Variants in MEIG1 observed in about 807,000 individuals in gnomAD.
MEIG1 encodes meiosis expressed gene 1 protein homolog.
A neutral mutation model predicts 11.3 loss-of-function variants in MEIG1; 12 were observed. The ratio of observed to expected loss-of-function variants is 1.07; its 90% CI spans 0.68 to 1.73. The LOEUF (loss-of-function observed/expected upper bound fraction) is 1.73, where lower values mean the gene tolerates loss of function less well. Among genes scored for constraint, MEIG1 ranks in the 40% most tolerant of loss-of-function variants. The pLI, the probability that MEIG1 is intolerant of heterozygous loss-of-function variation, is 0.00. For missense variants in MEIG1, 119 were observed against 104.9 expected (o/e 1.13, Z -0.59); for synonymous variants, 41 against 33.2 (o/e 1.24, Z -0.81).
At chr10:14,956,936 A>G (rs543407367), upstream of MEIG1, among the ~76,000 whole-genome samples, 1 of 152,306 alleles carries the variant, frequency 6.6e-6, no homozygotes, top group African/African-American at 2.4e-5. Context: ...TACACCTACA[A>G]TAACAACTAC....
intron 1 of MEIG1, among the ~76,000 whole-genome samples, chr10:14,986,325 CAAAACAA>C (rs1843318475): frequency 6.6e-6 from 1 of 151,840 alleles, no homozygotes; most frequent in Non-Finnish European, 1.5e-5. Flanking sequence ...AACTCCATCT[CAAAACAA>C]AAAACAAAAA....
chr10:14,965,709 A>T (rs1297181331), intron 1 of MEIG1, among the ~76,000 whole-genome samples: 4 of 21,462 alleles, frequency 1.9e-4, no homozygotes, highest in African/African-American at 5.3e-4. Context: ...AGAGAGAGAG[A>T]GAGAGAGGTG....
At chr10:14,979,359 A>T (rs1843241686) in intron 1 of MEIG1, among the ~76,000 whole-genome samples, 1 of 151,944 alleles carries the variant, frequency 6.6e-6, no homozygotes, top group Non-Finnish European at 1.5e-5. Flanking sequence ...CTGTGATATT[A>T]TTCGGAATAT....
At chr10:14,979,061 T>C (rs1843239014) in intron 1 of MEIG1, among the ~76,000 whole-genome samples, 1 of 151,904 alleles carries the variant, frequency 6.6e-6, no homozygotes, top group South Asian at 2.1e-4. Flanking sequence ...AATGCCACAA[T>C]ACGTGTACAC....
At chr10:14,976,424 A>C (rs1843210764), downstream of MEIG1, among the ~76,000 whole-genome samples, 1 of 152,124 alleles carries the variant, frequency 6.6e-6, no homozygotes, top group South Asian at 2.1e-4. Context: ...TTATTCTCCT[A>C]TGGGGAGGTT....
At chr10:14,969,447 CAAA>C (rs60562557) in intron 2 of MEIG1, among the ~76,000 whole-genome samples, 1 of 115,148 alleles carries the variant, frequency 8.7e-6, no homozygotes. Flanking sequence ...GACCCTGTCT[CAAA>C]AAAAAAAAAA....
chr10:14,962,611 T>A (rs1021136512), intron 1 of MEIG1, among the ~76,000 whole-genome samples: 1 of 152,114 alleles, frequency 6.6e-6, no homozygotes, highest in Non-Finnish European at 1.5e-5. Context: ...GAAAATACGT[T>A]TCGAATGAAT....
At chr10:14,986,251 G>A (rs1843316936) in intron 1 of MEIG1, among the ~76,000 whole-genome samples, 1 of 152,170 alleles carries the variant, frequency 6.6e-6, no homozygotes, top group Non-Finnish European at 1.5e-5. Flanking sequence ...CTTGAACCCA[G>A]GAGGCAGAGG....
At chr10:14,958,551 G>T (rs1168677384), upstream of MEIG1, among the ~76,000 whole-genome samples, 1 of 152,138 alleles carries the variant, frequency 6.6e-6, no homozygotes, top group Non-Finnish European at 1.5e-5. Context: ...GCACACAATT[G>T]CTCCTTTCTT....
At position 14,959,479 on chromosome 10, in the gene MEIG1, C is replaced by T. The variant is rs1486205588; in HGVS notation, c.-108C>T. ...CGAGTAGAGAACGCAAGCACCCACG[C>T]CCGCCTGCAAGCTCCCGGGCGCCCC... On this transcript the variant is annotated 5_prime_UTR_variant, in exon 1 of 3. Transcript: ENST00000407572. The T allele has an allele frequency of 1.3e-5, 2 of 152,652 alleles. No individual in the cohort carries two copies. Among genetic ancestry groups the T allele is most frequent in the East Asian group, 3.8e-4 (2 of 5,206 alleles). 9.5% of individuals were successfully genotyped at this position (152,652 alleles called of 1,614,324 possible).
At chr10:14,987,148 C>T (rs1269712570) in intron 2 of MEIG1, 7 of 885,346 alleles carry the variant, frequency 7.9e-6, no homozygotes, top group Non-Finnish European at 1.0e-5. Flanking sequence ...TCAGGCAGCC[C>T]GCATGAGAGA....
rs776040423 is a variant in MEIG1, at chr10:14,972,520, G to T, written c.146G>T (p.Arg49Leu). The T allele has an allele frequency of 1.9e-6, 3 of 1,613,860 alleles. No individual in the cohort carries two copies. The highest frequency in any genetic ancestry group is 8.5e-7 in the Non-Finnish European group (1 of 1,179,916). ...CTGGTTCTTGATGTGCAGGTAGATC[G>T]TTGGCCGGAGACAGGATATGTGAAG... is the stretch of plus-strand genomic sequence containing the variant. ...RQVKQVSMVD[R>L]WPETGYVKKL... The change falls in exon 3 of 3, where the codon CGT becomes CTT. Residue 49 changes from arginine (R) to leucine (L), a missense_variant. Arg to Leu is a moderately radical substitution (Grantham distance 102, BLOSUM62 -2). Coordinates refer to ENST00000407572, the MANE Select transcript of MEIG1 (RefSeq NM_001080836.3).
At chr10:14,976,271 T>C (rs1320019882), downstream of MEIG1, among the ~76,000 whole-genome samples, 1 of 152,084 alleles carries the variant, frequency 6.6e-6, no homozygotes, top group Non-Finnish European at 1.5e-5. Context: ...TGCTGCATTA[T>C]TCATAATATT....
chr10:14,965,722 G>A (rs1843074975), intron 1 of MEIG1, among the ~76,000 whole-genome samples: 1 of 149,984 alleles, frequency 6.7e-6, no homozygotes, highest in East Asian at 1.9e-4. Context: ...GAGAGGTGCA[G>A]CTTTGAATAT....
chr10:14,963,160 G>A (rs1233145551), intron 1 of MEIG1, among the ~76,000 whole-genome samples: 1 of 146,862 alleles, frequency 6.8e-6, no homozygotes, highest in African/African-American at 2.5e-5. Flanking sequence ...GCAATGGCAC[G>A]ATCTTGGCTC....
chr10:14,955,297 A>G (rs1436362475), upstream of MEIG1, among the ~76,000 whole-genome samples: 2 of 152,192 alleles, frequency 1.3e-5, no homozygotes, highest in Non-Finnish European at 2.9e-5. Context: ...CATTCAATCT[A>G]TCTGGCGACA....
intron 1 of MEIG1, among the ~76,000 whole-genome samples, chr10:14,983,923 T>C (rs181313928): frequency 2.7e-3 from 412 of 152,102 alleles, no homozygotes; most frequent in African/African-American, 6.1e-3. Flanking sequence ...GGGGTGGACA[T>C]GCCCCCAGTG....
chr10:14,982,408 T>A (rs542734154), intron 1 of MEIG1, among the ~76,000 whole-genome samples: 1 of 152,208 alleles, frequency 6.6e-6, no homozygotes, highest in Non-Finnish European at 1.5e-5. Context: ...CTTGGAGGAC[T>A]CTTTGCCTTT....
intron 2 of MEIG1, 116 bp downstream of exon 2, chr10:14,966,722 T>A: frequency 1.0e-6 from 1 of 979,596 alleles, no homozygotes; most frequent in East Asian, 2.8e-5. Context: ...TCTCTCATTT[T>A]ATTTGTTTTC....
Sources: allele counts gnomAD v4.1 joint callset (sites outside exome capture counted in the v4.1 genomes callset), GRCh38; gene constraint gnomAD v4.1.1; transcripts MANE v1.5; gene names NCBI Gene and HGNC (gene_info 2026-07-23, HGNC 2026-07-21).